The following SUMF1 variants were observed in gnomAD, a reference collection of about 807,000 sequenced individuals.
SUMF1 encodes the protein formylglycine-generating enzyme.
A neutral mutation model predicts 47.6 loss-of-function variants in SUMF1; 48 were observed. The observed-to-expected ratio is 1.01, with a 90% CI of 0.80 to 1.28. SUMF1 has a LOEUF of 1.28. Ranked by LOEUF, SUMF1 falls within the 50% of genes most tolerant of loss-of-function variation. SUMF1 has a pLI of 0.00. For missense variants in SUMF1, 571 were observed against 485.4 expected, an observed-to-expected ratio of 1.18 and a Z score of -1.66; for synonymous variants, 230 against 192.1, an observed-to-expected ratio of 1.20 and a Z score of -1.63.
chr3:4,267,074 C>G (rs1321700694), intron 8 of SUMF1, among the ~76,000 whole-genome samples: 1 of 152,108 alleles, frequency 6.6e-6, no homozygotes, highest in African/African-American at 2.4e-5. Context: ...AGGGATGAAG[C>G]CCACTTGATC....
intron 7 of SUMF1, among the ~76,000 whole-genome samples, chr3:4,382,234 G>A (rs1313547930): frequency 6.6e-6 from 1 of 151,966 alleles, no homozygotes; most frequent in East Asian, 1.9e-4. Context: ...TCGGTGTCAC[G>A]ATAAAAGCCA....
At chr3:4,320,699 TTGGTG>T (rs1379226541) in intron 8 of SUMF1, among the ~76,000 whole-genome samples, 2 of 152,348 alleles carry the variant, frequency 1.3e-5, no homozygotes, top group African/African-American at 4.8e-5. Flanking sequence ...ATAGCCTGTT[TTGGTG>T]TGGTGACAAC....
chr3:4,127,012 G>C (rs982040834), intron 8 of SUMF1, among the ~76,000 whole-genome samples: 1 of 152,126 alleles, frequency 6.6e-6, no homozygotes, highest in Non-Finnish European at 1.5e-5. Context: ...AAAAAGTAAA[G>C]ATTGCTTCCA....
intron 7 of SUMF1, among the ~76,000 whole-genome samples, chr3:4,410,546 A>C (rs1387104447): frequency 6.6e-6 from 1 of 152,172 alleles, no homozygotes; most frequent in Non-Finnish European, 1.5e-5. Flanking sequence ...AACAGTAATA[A>C]ACTTTATAGT....
At chr3:4,160,808 T>C (rs1087729) in intron 8 of SUMF1, among the ~76,000 whole-genome samples, 46,346 of 151,936 alleles carry the variant, frequency 0.31, 7,295 homozygotes, top group East Asian at 0.4. Flanking sequence ...TTCTGTCTCC[T>C]TGGAATTAGT....
chr3:4,401,297 T>G (rs1339223234), intron 7 of SUMF1, among the ~76,000 whole-genome samples: 1 of 152,110 alleles, frequency 6.6e-6, no homozygotes, highest in Non-Finnish European at 1.5e-5. Context: ...GTCTTTATAG[T>G]AGCATGATTT....
chr3:4,242,201 T>C (rs1296973062), intron 8 of SUMF1, among the ~76,000 whole-genome samples: 3 of 152,194 alleles, frequency 2.0e-5, no homozygotes, highest in Non-Finnish European at 4.4e-5. Context: ...TTTCTAAATA[T>C]ACAATCATGT....
downstream of SUMF1, among the ~76,000 whole-genome samples, chr3:4,358,807 CT>C (rs1270589317): frequency 6.6e-6 from 1 of 152,160 alleles, no homozygotes; most frequent in Non-Finnish European, 1.5e-5. Context: ...AGATTTTTTA[CT>C]TTTGATGGAC....
intron 8 of SUMF1, among the ~76,000 whole-genome samples, chr3:4,187,529 A>C (rs1020190288): frequency 1.3e-5 from 2 of 152,164 alleles, no homozygotes; most frequent in African/African-American, 4.8e-5. Flanking sequence ...CACAATATAG[A>C]TGCTCAGTAA....
At chr3:4,444,951 C>T (rs1046197725) in intron 3 of SUMF1, among the ~76,000 whole-genome samples, 1 of 152,098 alleles carries the variant, frequency 6.6e-6, no homozygotes, top group Non-Finnish European at 1.5e-5. Context: ...AAAAGCAAAG[C>T]TATGAAGCCA....
chr3:4,170,676 A>G (rs1694813704), intron 8 of SUMF1, among the ~76,000 whole-genome samples: 1 of 152,230 alleles, frequency 6.6e-6, no homozygotes, highest in Non-Finnish European at 1.5e-5. Flanking sequence ...GGATTAAACC[A>G]TCACATATAT....
At position 4,161,179 on chromosome 3, in the gene SUMF1, G is replaced by A. The variant is rs374181110; in HGVS notation, c.1015-92434C>T. Among the ~76,000 whole-genome samples, 16 of 151,794 alleles carry A rather than the reference G, an allele frequency of 1.1e-4. 3 individuals carry two copies. Among genetic ancestry groups the A allele is most frequent in the Admixed American group, 6.5e-5 (1 of 15,268 alleles). The stretch of plus-strand genomic sequence containing the variant: ...TTCCCTTACTTTCTCCCAGACAAAC[G>A]GAGTCTCTCTCTTTGTGCTGTGCTG... On this transcript the variant is annotated intron_variant and NMD_transcript_variant, in intron 8 of 12. Coordinates refer to the SUMF1 transcript ENST00000448413.
intron 8 of SUMF1, among the ~76,000 whole-genome samples, chr3:4,316,040 C>G (rs1171233052): frequency 9.8e-6 from 1 of 101,658 alleles, no homozygotes; most frequent in Non-Finnish European, 1.9e-5. Flanking sequence ...GAGCGAGACT[C>G]TGTCTCAAAA....
chr3:4,077,121 A>C (rs1692456299), intron 8 of SUMF1, among the ~76,000 whole-genome samples: 1 of 152,164 alleles, frequency 6.6e-6, no homozygotes, highest in Non-Finnish European at 1.5e-5. Context: ...ATCTCACACC[A>C]GTTAGAATGG....
At chr3:4,268,180 G>C (rs1697234805) in intron 8 of SUMF1, among the ~76,000 whole-genome samples, 1 of 151,966 alleles carries the variant, frequency 6.6e-6, no homozygotes, top group Non-Finnish European at 1.5e-5. Flanking sequence ...GGTGGGAACT[G>C]AACAATGGGA....
At chr3:4,287,407 T>TA (rs3075654) in intron 8 of SUMF1, among the ~76,000 whole-genome samples, 60,427 of 149,880 alleles carry the variant, frequency 0.4, 12,303 homozygotes, top group Middle Eastern at 0.44. Context: ...ACATAAATTG[T>TA]AAAAAAAAAA....
At chr3:4,439,810 C>T (rs1348951297) in intron 3 of SUMF1, among the ~76,000 whole-genome samples, 1 of 151,730 alleles carries the variant, frequency 6.6e-6, no homozygotes, top group African/African-American at 2.4e-5. Context: ...AATCCTCCGA[C>T]GTCAACCTCC....
In SUMF1 at chr3:4,118,244, T is replaced by A. The variant is rs961604193; in HGVS notation, c.1015-49499A>T. On this transcript the variant is annotated intron_variant and NMD_transcript_variant, in intron 8 of 12. Transcript: ENST00000448413. Reference sequence around the variant, plus strand: ...TACAGAGAGAAGAGAAGATATTGCATGCTTGAAAAAAGGAACAGGATACAT... The same window carrying A: ...TACAGAGAGAAGAGAAGATATTGCAAGCTTGAAAAAAGGAACAGGATACAT... Among the ~76,000 whole-genome samples, 4 of 151,842 alleles carry A rather than the reference T, an allele frequency of 2.6e-5. No homozygotes were observed. In the Middle Eastern group the frequency reaches 0.014, roughly 516 times the overall value.
intron 8 of SUMF1, among the ~76,000 whole-genome samples, chr3:4,091,106 A>AC (rs891916675): frequency 1.3e-5 from 2 of 151,948 alleles, no homozygotes; most frequent in Non-Finnish European, 2.9e-5. Context: ...CAAAAAAAAA[A>AC]ACAAAAAACA....
Sources: gnomAD v4.1 joint callset for allele counts (sites outside exome capture counted in the v4.1 genomes callset) on GRCh38, gnomAD v4.1.1 for gene constraint, MANE v1.5 for transcripts, NCBI Gene and HGNC (gene_info 2026-07-23, HGNC 2026-07-21) for gene names.